The following LRRK2 variants were observed in gnomAD, a reference collection of about 807,000 sequenced individuals.
LRRK2 encodes leucine-rich repeat serine/threonine-protein kinase 2.
A neutral mutation model predicts 302.6 loss-of-function variants in LRRK2; 203 were observed. The observed-to-expected ratio is 0.67, with a 90% CI of 0.60 to 0.75. The LOEUF is 0.75. Ranked by LOEUF, LRRK2 falls within the 30% of genes least tolerant of loss-of-function variation. The pLI is 0.00. For missense variants in LRRK2, 2,830 were observed against 2,951.0 expected, an observed-to-expected ratio of 0.96 and a Z score of 0.95; for synonymous variants, 1,066 against 1,031.9, an observed-to-expected ratio of 1.03 and a Z score of -0.63.
chr12:40,290,694 A>G (rs1358726770), intron 20 of LRRK2, among the ~76,000 whole-genome samples: 1 of 152,116 alleles, frequency 6.6e-6, no homozygotes, highest in Non-Finnish European at 1.5e-5. Context: ...ACTTATAGCA[A>G]TTATTTAATT....
rs540249745 is a variant in LRRK2 at position 40,276,633 on chromosome 12, G to A, written c.1942-1255G>A. ...TTTAAAAGTTTTTAATTCGAATGAC[G>A]TACTTTCTGCACATTTGCATGGCCT... On this transcript the variant is annotated intron_variant, in intron 16 of 50. Transcript: ENST00000298910. 1.3e-3 allele frequency among the ~76,000 whole-genome samples: 197 copies of A among 152,200 alleles called. 1 individual carries two copies. The highest frequency in any genetic ancestry group is 4.1e-3 in the African/African-American group (171 of 41,534).
At chr12:40,275,038 T>G (rs763861590) in intron 16 of LRRK2, 45 bp downstream of exon 16, 3 of 1,610,530 alleles carry the variant, frequency 1.9e-6, no homozygotes, top group Non-Finnish European at 2.5e-6. Flanking sequence ...TGTGCGAATT[T>G]CACTTTTGGA....
chr12:40,292,178 T>C (rs1257309148), intron 20 of LRRK2, among the ~76,000 whole-genome samples: 1 of 152,080 alleles, frequency 6.6e-6, no homozygotes, highest in Non-Finnish European at 1.5e-5. Flanking sequence ...CTTATGTATA[T>C]GGCCCTTAAT....
rs1946965878 is a variant in LRRK2 at position 40,369,216 on chromosome 12, A to G, written c.*1451A>G. 1 of 151,736 alleles carries G rather than the reference A, an allele frequency of 6.6e-6. No homozygotes were observed. The allele number at this position is 151,736 out of a possible 1,614,324, so 9.4% of individuals were successfully genotyped here. ...TTACTTTGTATTTGCAATTTTTTTT[A>G]CCAAAGACAAATTAAAAAAATGAAT... is the stretch of plus-strand genomic sequence containing the variant. On this transcript the variant is annotated 3_prime_UTR_variant, in exon 51 of 51. Coordinates refer to ENST00000298910, the MANE Select transcript of LRRK2 (RefSeq NM_198578.4).
chr12:40,315,435 A>C, intron 33 of LRRK2, 135 bp downstream of exon 33: 1 of 748,406 alleles, frequency 1.3e-6, no homozygotes, highest in South Asian at 1.4e-5. Context: ...ACTGTGGAAC[A>C]TTTCACATAG....
Position 40,249,914 on chromosome 12 carries a change from GATCTC to G in LRRK2, c.929_933del (p.Ile310SerfsTer10). 1 of 1,613,840 alleles carries G rather than the reference GATCTC, an allele frequency of 6.2e-7. No homozygotes were observed. Among genetic ancestry groups the G allele is most frequent in the Non-Finnish European group, 8.5e-7 (1 of 1,179,830 alleles). On this transcript the variant is annotated frameshift_variant, in exon 8 of 51. Coordinates refer to ENST00000298910, the MANE Select transcript of LRRK2 (RefSeq NM_198578.4). LOFTEE classifies it high-confidence loss of function. Reference sequence around the variant, plus strand: ...AGTACCCAGAGAATGCAGCATTGCAGATCTCAGCGCTCAGCTGTTTGGCCCTCCTC... The same window carrying G: ...AGTACCCAGAGAATGCAGCATTGCAGAGCGCTCAGCTGTTTGGCCCTCCTC...
intron 46 of LRRK2, among the ~76,000 whole-genome samples, chr12:40,357,051 C>T (rs1392713701): frequency 6.6e-6 from 1 of 152,078 alleles, no homozygotes; most frequent in East Asian, 1.9e-4. Flanking sequence ...TATGTTTGTA[C>T]CCGTTAACCA....
chr12:40,245,448 A>T (rs1238911626), intron 7 of LRRK2, among the ~76,000 whole-genome samples: 1 of 152,168 alleles, frequency 6.6e-6, no homozygotes, highest in Non-Finnish European at 1.5e-5. Flanking sequence ...TTAAATTAAT[A>T]GTTCTGTAAG....
At chr12:40,348,062 C>T (rs1335975157) in intron 42 of LRRK2, among the ~76,000 whole-genome samples, 2 of 152,096 alleles carry the variant, frequency 1.3e-5, no homozygotes, top group African/African-American at 4.8e-5. Context: ...GGATTAAATG[C>T]TTGCTTACTT....
chr12:40,345,642 AAAAG>A (rs1565768223), intron 41 of LRRK2, among the ~76,000 whole-genome samples: 1 of 150,698 alleles, frequency 6.6e-6, no homozygotes, highest in Admixed American at 6.6e-5. Flanking sequence ...AAAAAAAAAA[AAAAG>A]AAAGAAAGAG....
intron 2 of LRRK2, among the ~76,000 whole-genome samples, chr12:40,231,576 C>CAAAAAAAAAAAAAAAAACCA (rs71078231): frequency 1.9e-5 from 2 of 105,872 alleles, no homozygotes; most frequent in African/African-American, 3.9e-5. Flanking sequence ...AAAACAAAAC[C>CAAAAAAAAAAAAAAAAACCA]AAAAAAAAAA....
intron 43 of LRRK2, among the ~76,000 whole-genome samples, chr12:40,350,587 G>T (rs566535041): frequency 5.9e-5 from 9 of 152,186 alleles, no homozygotes; most frequent in African/African-American, 2.2e-4. Flanking sequence ...GTGAGCTCTT[G>T]ATTTGGTATT....
Position 40,315,092 on chromosome 12 carries a change from A to G in LRRK2, c.4739-120A>G, listed in dbSNP as rs1485429866. 7 of 812,150 alleles carry G rather than the reference A, an allele frequency of 8.6e-6. 1 individual carries two copies. The highest frequency in any genetic ancestry group is 1.5e-5 in the Non-Finnish European group (7 of 459,464). The allele number at this position is 812,150 out of a possible 1,614,324, so 50.3% of individuals were successfully genotyped here. A position where few individuals can be genotyped will look rare whatever the true frequency, so the allele number is the denominator to read the frequency against. On this transcript the variant is annotated intron_variant, in intron 32 of 50. Coordinates refer to ENST00000298910, the MANE Select transcript of LRRK2 (RefSeq NM_198578.4). ...CACAGCTTCTAGTCCCAGCTCTGTC[A>G]CTAGCTATGCTGAAATTTCTTCACC... is the stretch of plus-strand genomic sequence containing the variant.
intron 2 of LRRK2, among the ~76,000 whole-genome samples, chr12:40,231,792 A>T (rs1020973011): frequency 8.9e-5 from 13 of 146,114 alleles, no homozygotes; most frequent in African/African-American, 3.2e-4. Context: ...TATAAATTAA[A>T]TTATATATAT....
intron 40 of LRRK2, among the ~76,000 whole-genome samples, chr12:40,339,428 T>C (rs141876468): frequency 2.9e-4 from 44 of 152,332 alleles, no homozygotes; most frequent in African/African-American, 1.0e-3. Flanking sequence ...TCTTTGACCA[T>C]GTTTCCAGAA....
intron 3 of LRRK2, chr12:40,232,670 T>A (rs977540414): frequency 4.2e-5 from 10 of 237,908 alleles, no homozygotes; most frequent in African/African-American, 1.4e-4. Context: ...TGAGTACTTT[T>A]GAATTCAAAC....
At position 40,298,483 on chromosome 12, in the gene LRRK2, A is replaced by G. The variant is rs1191407830; in HGVS notation, c.3337A>G (p.Ile1113Val). ...TDVVEKLEQL[I>V]LEGNKISGIC... ...TGTGGTAGAGAAACTGGAGCAGCTC[A>G]TTTTAGAAGGGTAAGAAAGAGCTCA... Residue 1113 changes from isoleucine (I) to valine (V), a missense_variant, in exon 24 of 51, where the codon ATT (isoleucine) becomes GTT (valine). Ile to Val is a conservative substitution (Grantham distance 29). Around this residue, in one of 3 missense-constraint regions of LRRK2, gnomAD observed 2,121 missense variants for 2,148.0 expected, o/e 0.99. Coordinates refer to ENST00000298910, the MANE Select transcript of LRRK2 (RefSeq NM_198578.4). 9 of 1,613,894 alleles carry G rather than the reference A, an allele frequency of 5.6e-6. No individual in the cohort carries two copies. Among genetic ancestry groups the G allele is most frequent in the Admixed American group, 1.7e-5 (1 of 59,988 alleles).
intron 20 of LRRK2, among the ~76,000 whole-genome samples, chr12:40,289,158 GA>G (rs200588424): frequency 0.012 from 1,782 of 151,820 alleles, 43 homozygotes; most frequent in African/African-American, 0.041. Flanking sequence ...ATTACTTGTT[GA>G]AAATATTATA....
intron 4 of LRRK2, among the ~76,000 whole-genome samples, chr12:40,236,762 A>T (rs1941484011): frequency 6.6e-6 from 1 of 152,094 alleles, no homozygotes; most frequent in African/African-American, 2.4e-5. Flanking sequence ...ACAAGAAGGT[A>T]CTCAACATTT....
Sources: allele counts gnomAD v4.1 joint callset (sites outside exome capture counted in the v4.1 genomes callset), GRCh38; gene constraint gnomAD v4.1.1; regional missense constraint gnomAD v4.1.1; transcripts MANE v1.5; gene names NCBI Gene and HGNC (gene_info 2026-07-23, HGNC 2026-07-21).